The following RELN variants were observed in gnomAD, a reference collection of about 807,000 sequenced individuals.
RELN encodes the protein reelin.
In RELN, 108 loss-of-function variants were observed where a neutral mutation model predicts 427.6. The ratio of observed to expected loss-of-function variants is 0.25; its 90% CI spans 0.22 to 0.30. RELN has a LOEUF of 0.30. Among genes scored for constraint, RELN ranks in the 10% least tolerant of loss-of-function variants. The pLI is 1.00. For missense variants in RELN, 3,715 were observed against 4,302.8 expected, an observed-to-expected ratio of 0.86 and a Z score of 3.82; for synonymous variants, 1,524 against 1,513.4, an observed-to-expected ratio of 1.01 and a Z score of -0.16.
intron 1 of RELN, among the ~76,000 whole-genome samples, chr7:103,976,272 C>T (rs966720092): frequency 6.6e-6 from 1 of 152,112 alleles, no homozygotes; most frequent in Non-Finnish European, 1.5e-5. Context: ...CAGAGAAAGA[C>T]CAGGGCTGTT....
chr7:103,905,941 G>T (rs1274810854), intron 2 of RELN, among the ~76,000 whole-genome samples: 5 of 152,092 alleles, frequency 3.3e-5, no homozygotes, highest in Admixed American at 6.6e-5. Flanking sequence ...GGCCCTAAAA[G>T]ATGGCAGAGG....
chr7:103,617,969 TCTC>T (rs1447877533), intron 20 of RELN, among the ~76,000 whole-genome samples: 1 of 152,046 alleles, frequency 6.6e-6, no homozygotes, highest in Non-Finnish European at 1.5e-5. Flanking sequence ...TGGCTCCCCT[TCTC>T]CTTCTGCCAG....
intron 11 of RELN, among the ~76,000 whole-genome samples, chr7:103,670,840 A>G (rs1250486960): frequency 6.6e-6 from 1 of 152,110 alleles, no homozygotes; most frequent in African/African-American, 2.4e-5. Context: ...CATAAAAGTC[A>G]CTAAACGTAA....
chr7:103,849,978 C>T (rs139847706), intron 2 of RELN, among the ~76,000 whole-genome samples: 1 of 152,284 alleles, frequency 6.6e-6, no homozygotes, highest in African/African-American at 2.4e-5. Context: ...TCCTATGCAA[C>T]TCCTTCCTGT....
chr7:103,769,464 T>C (rs962872498), intron 4 of RELN, among the ~76,000 whole-genome samples: 1 of 152,204 alleles, frequency 6.6e-6, no homozygotes, highest in Non-Finnish European at 1.5e-5. Flanking sequence ...AGCACCTTGA[T>C]TTTGAACTTC....
At chr7:103,778,420 CTG>C (rs1791800641) in intron 3 of RELN, among the ~76,000 whole-genome samples, 1 of 152,140 alleles carries the variant, frequency 6.6e-6, no homozygotes, top group Non-Finnish European at 1.5e-5. Flanking sequence ...GTTTAAATAA[CTG>C]TTCGTTTTTG....
chr7:103,828,430 T>A (rs1793195781), intron 3 of RELN, among the ~76,000 whole-genome samples: 1 of 152,024 alleles, frequency 6.6e-6, no homozygotes. Flanking sequence ...AAGTTCATTA[T>A]TTGTCCATGC....
Position 103,601,114 on chromosome 7 carries a change from A to ATGTG in RELN, c.3333+2186_3333+2189dup, listed in dbSNP as rs34548867. Among the ~76,000 whole-genome samples the ATGTG allele has an allele frequency of 6.1e-4, 92 of 150,792 alleles. 1 individual carries two copies. The highest frequency in any genetic ancestry group is 1.4e-3 in the African/African-American group (58 of 41,106). ...GATATGTAACCCTTTACATGTTAAAATGTGTGTGTGTGTGTGTATGTGTAT... is the reference window on the plus strand; with the variant it reads ...GATATGTAACCCTTTACATGTTAAAATGTGTGTGTGTGTGTGTGTGTATGTGTAT... On this transcript the variant is annotated intron_variant, in intron 24 of 64. Transcript: ENST00000428762.
In RELN at chr7:103,503,022, A is replaced by T; in HGVS notation, c.8483T>A (p.Val2828Glu). The T allele has an allele frequency of 6.2e-7, 1 of 1,613,878 alleles. No homozygotes were observed. The change falls in exon 52 of 65, where the codon GTG becomes GAG. Residue 2828 changes from valine (V) to glutamate (E), a missense_variant. Coordinates refer to ENST00000428762, the MANE Select transcript of RELN (RefSeq NM_005045.4). ...RITYPLPESL[V>E]GNPVRFRFYQ... ...GTTTTAGTTTTCTACTTACTTTCCC[A>T]CTAAGCTTTCAGGAAGTGGGTAGGT...
chr7:103,815,012 G>A (rs1342986100), intron 3 of RELN, among the ~76,000 whole-genome samples: 2 of 152,160 alleles, frequency 1.3e-5, no homozygotes, highest in Admixed American at 1.3e-4. Flanking sequence ...ATAAACATGG[G>A]CAGTCTTAAA....
chr7:103,800,258 C>T (rs1465636400), intron 3 of RELN, among the ~76,000 whole-genome samples: 1 of 152,208 alleles, frequency 6.6e-6, no homozygotes, highest in Non-Finnish European at 1.5e-5. Flanking sequence ...AGCCCAAAAT[C>T]TCCTTCAGCT....
At chr7:103,728,605 A>G (rs566561451) in intron 6 of RELN, among the ~76,000 whole-genome samples, 2 of 152,338 alleles carry the variant, frequency 1.3e-5, no homozygotes, top group South Asian at 4.1e-4. Context: ...CAATAATTAT[A>G]TAATATATAC....
intron 4 of RELN, among the ~76,000 whole-genome samples, chr7:103,774,879 T>C (rs1354548635): frequency 6.6e-6 from 1 of 152,170 alleles, no homozygotes; most frequent in Non-Finnish European, 1.5e-5. Context: ...TACAGCATTT[T>C]TAATAATATC....
In RELN at chr7:103,686,783, C is replaced by T. The variant is rs138891910; in HGVS notation, c.1144-4522G>A. 2.7e-4 allele frequency among the ~76,000 whole-genome samples: 41 copies of T among 152,210 alleles called. 1 individual carries two copies. Among genetic ancestry groups the T allele is most frequent in the African/African-American group, 9.4e-4 (39 of 41,544 alleles). On this transcript the variant is annotated intron_variant, in intron 10 of 64. Coordinates refer to ENST00000428762, the MANE Select transcript of RELN (RefSeq NM_005045.4). ...ATTTCCTACATCCCAGTTCAACAGA[C>T]TTTAAAGGTATAGACTTTCATGCTA...
chr7:103,795,492 A>T (rs1312716056), intron 3 of RELN, among the ~76,000 whole-genome samples: 1 of 152,238 alleles, frequency 6.6e-6, no homozygotes, highest in Non-Finnish European at 1.5e-5. Context: ...TGTAACAAAA[A>T]AGCCAAGAAC....
intron 2 of RELN, among the ~76,000 whole-genome samples, chr7:103,891,835 C>T (rs1336044855): frequency 6.6e-6 from 1 of 152,128 alleles, no homozygotes; most frequent in Non-Finnish European, 1.5e-5. Context: ...ACCCTCAAGC[C>T]TCAGTTTTTT....
Position 103,603,341 on chromosome 7 carries a change from C to A in RELN, c.3296G>T (p.Gly1099Val), listed in dbSNP as rs1368934123. 2 of 1,613,894 alleles carry A rather than the reference C, an allele frequency of 1.2e-6. No individual in the cohort carries two copies. The change falls in exon 24 of 65, where the codon GGT (glycine) becomes GTT (valine). Residue 1099 changes from glycine to valine, a missense_variant. Coordinates refer to ENST00000428762, the MANE Select transcript of RELN (RefSeq NM_005045.4). The surrounding 1 kb of genome is among the most constrained non-coding windows in gnomAD (Gnocchi z 4.3). Reference sequence around the variant, plus strand: ...CAGAGATGATCCAGAAGAGATGACACCACACCCTTGTTCTGGTTTTACAAT... The same window carrying A: ...CAGAGATGATCCAGAAGAGATGACAACACACCCTTGTTCTGGTTTTACAAT... Reference protein sequence around the residue: ...GEIVKPEQGCGVISSGSSLYF... With the variant: ...GEIVKPEQGCVVISSGSSLYF...
At position 103,921,522 on chromosome 7, in the gene RELN, G is replaced by A. The variant is rs372837627; in HGVS notation, c.227-4337C>T. Reference sequence around the variant, plus strand: ...TACAGAGGAAAATATCAATATTATCGATTTCATACAGAATTCTGAACTTGC... The same window carrying A: ...TACAGAGGAAAATATCAATATTATCAATTTCATACAGAATTCTGAACTTGC... On this transcript the variant is annotated intron_variant, in intron 1 of 64. Coordinates refer to ENST00000428762, the MANE Select transcript of RELN (RefSeq NM_005045.4). 6.7e-4 allele frequency among the ~76,000 whole-genome samples: 102 copies of A among 152,162 alleles called. 2 individuals are homozygous for A. In the East Asian group the frequency reaches 0.014, roughly 20 times the overall value.
At chr7:103,655,053 C>T (rs1467236346) in intron 12 of RELN, among the ~76,000 whole-genome samples, 3 of 152,060 alleles carry the variant, frequency 2.0e-5, no homozygotes, top group African/African-American at 4.8e-5. Flanking sequence ...CTCAAGCAAT[C>T]CTCCTACCTT....
Sources: gnomAD v4.1 joint callset for allele counts (sites outside exome capture counted in the v4.1 genomes callset) on GRCh38, gnomAD v4.1.1 for gene constraint, Gnocchi (gnomAD v3.1) non-coding constraint, MANE v1.5 for transcripts, NCBI Gene and HGNC (gene_info 2026-07-23, HGNC 2026-07-21) for gene names.